Variants in GPAT3 observed in about 807,000 individuals in gnomAD.
GPAT3 encodes the protein 1-AGP acyltransferase 9.
In GPAT3, 53 loss-of-function variants were observed where a neutral mutation model predicts 58.8. The observed-to-expected ratio is 0.90, with a 90% CI of 0.72 to 1.13. The LOEUF is 1.13. Ranked by LOEUF, GPAT3 falls within the 50% of genes most tolerant of loss-of-function variation. The probability of loss-of-function intolerance (pLI) is 0.00; values close to 1 mark genes in which losing one functional copy is unlikely to be tolerated. For synonymous variants in GPAT3, 197 were observed against 187.4 expected (o/e 1.05, Z -0.42); for missense variants, 511 against 527.6 (o/e 0.97, Z 0.31).
chr4:83,541,056 AG>A (rs1724285528), intron 1 of GPAT3, among the ~76,000 whole-genome samples: 1 of 152,158 alleles, frequency 6.6e-6, no homozygotes, highest in African/African-American at 2.4e-5. Flanking sequence ...CTGATGTCTG[AG>A]ATGATTACAG....
At chr4:83,552,227 C>A (rs1317761840) in intron 2 of GPAT3, among the ~76,000 whole-genome samples, 2 of 152,174 alleles carry the variant, frequency 1.3e-5, no homozygotes, top group African/African-American at 4.8e-5. Context: ...CAGTCCTGTA[C>A]AATGTGAGAT....
intron 2 of GPAT3, among the ~76,000 whole-genome samples, chr4:83,546,186 T>C (rs970411867): frequency 6.6e-6 from 1 of 152,100 alleles, no homozygotes; most frequent in South Asian, 2.1e-4. Context: ...GGTTTCACCA[T>C]GTTGGCCAGG....
At chr4:83,586,206 A>G (rs1296346690) in intron 3 of GPAT3, among the ~76,000 whole-genome samples, 1 of 152,184 alleles carries the variant, frequency 6.6e-6, no homozygotes, top group African/African-American at 2.4e-5. Context: ...GAAACCTGGG[A>G]TTGGTTAAGA....
chr4:83,565,758 A>G (rs1725357955), intron 2 of GPAT3, among the ~76,000 whole-genome samples: 1 of 152,216 alleles, frequency 6.6e-6, no homozygotes, highest in African/African-American at 2.4e-5. Flanking sequence ...AAGAGTTTAA[A>G]AGGCGGGTCC....
At chr4:83,594,728 G>T (rs1726746551) in intron 6 of GPAT3, 117 bp from the exon 7 acceptor site, 1 of 790,604 alleles carries the variant, frequency 1.3e-6, no homozygotes, top group Admixed American at 2.3e-5. Context: ...AAGAACTTCA[G>T]TCAGTAGAAG....
At chr4:83,597,994 GC>G in intron 9 of GPAT3, 56 bp from the exon 10 acceptor site, 1 of 1,598,464 alleles carries the variant, frequency 6.3e-7, no homozygotes. Context: ...AAAACATTGG[GC>G]ACGGATGAGA....
chr4:83,544,929 T>C (rs1724452025), intron 2 of GPAT3, among the ~76,000 whole-genome samples: 1 of 152,136 alleles, frequency 6.6e-6, no homozygotes, highest in African/African-American at 2.4e-5. Context: ...TAATGGGAGT[T>C]CCTGGGAGTT....
At chr4:83,553,660 A>G (rs1724836418) in intron 2 of GPAT3, among the ~76,000 whole-genome samples, 2 of 152,106 alleles carry the variant, frequency 1.3e-5, no homozygotes, top group African/African-American at 2.4e-5. Flanking sequence ...GCACTTTGGG[A>G]GGCTGAGGCA....
intron 2 of GPAT3, among the ~76,000 whole-genome samples, chr4:83,576,792 G>A (rs1391270044): frequency 6.6e-6 from 1 of 152,066 alleles, no homozygotes; most frequent in Non-Finnish European, 1.5e-5. Flanking sequence ...ACTCATTAAG[G>A]CCAGAGTCAT....
intron 3 of GPAT3, among the ~76,000 whole-genome samples, chr4:83,583,955 G>A (rs114206003): frequency 6.2e-4 from 94 of 152,172 alleles, no homozygotes; most frequent in African/African-American, 2.2e-3. Context: ...ACAGAGTGAG[G>A]TGAGGCTCCA....
intron 6 of GPAT3, among the ~76,000 whole-genome samples, chr4:83,592,037 C>T (rs1018268193): frequency 1.3e-5 from 2 of 152,120 alleles, no homozygotes; most frequent in African/African-American, 4.8e-5. Context: ...GGAGAGCACC[C>T]TCATGGCCTC....
chr4:83,601,656 G>A (rs1016597045), intron 11 of GPAT3, among the ~76,000 whole-genome samples: 1 of 152,266 alleles, frequency 6.6e-6, no homozygotes, highest in African/African-American at 2.4e-5. Flanking sequence ...TCGGGAGGCT[G>A]AGGCCTGAGA....
intron 2 of GPAT3, among the ~76,000 whole-genome samples, chr4:83,574,978 G>T (rs912314504): frequency 6.8e-6 from 1 of 147,152 alleles, no homozygotes; most frequent in African/African-American, 2.5e-5. Context: ...TGGGGTTCAC[G>T]CCATTCTCCT....
At chr4:83,556,585 C>G (rs988235030) in intron 2 of GPAT3, among the ~76,000 whole-genome samples, 1 of 150,994 alleles carries the variant, frequency 6.6e-6, no homozygotes, top group Non-Finnish European at 1.5e-5. Context: ...TGCTAACTGA[C>G]AATTGATTAG....
In GPAT3 at chr4:83,553,433, T is replaced by TA. The variant is rs894870261; in HGVS notation, c.208+8839dup. Among the ~76,000 whole-genome samples, 7 of 152,008 alleles carry TA rather than the reference T, an allele frequency of 4.6e-5. No homozygotes were observed. In the East Asian group the frequency reaches 5.8e-4, roughly 13 times the overall value. ...TACCTCTATTTTCAGTGAAACTAGT[T>TA]AAAAAAAATGTAACTAAGCAGTTTT... On this transcript the variant is annotated intron_variant, in intron 2 of 11. Transcript: ENST00000264409.
intron 3 of GPAT3, among the ~76,000 whole-genome samples, chr4:83,583,667 G>GAAGAAAA (rs760151577): frequency 8.5e-5 from 2 of 23,476 alleles, no homozygotes; most frequent in Non-Finnish European, 7.2e-5. Context: ...ACTCTTGTCT[G>GAAGAAAA]AAAAAAAAAA....
At chr4:83,603,246 C>A (rs1416244816) in intron 11 of GPAT3, among the ~76,000 whole-genome samples, 1 of 152,186 alleles carries the variant, frequency 6.6e-6, no homozygotes, top group Admixed American at 6.5e-5. Context: ...TATGATAGTC[C>A]AAACTACTCC....
intron 2 of GPAT3, among the ~76,000 whole-genome samples, chr4:83,546,157 G>A (rs183673383): frequency 2.8e-4 from 42 of 152,118 alleles, no homozygotes; most frequent in African/African-American, 9.2e-4. Context: ...GCTAATTTTT[G>A]TATTTTTAGT....
At chr4:83,578,894 C>T (rs1161168224) in intron 2 of GPAT3, among the ~76,000 whole-genome samples, 1 of 141,680 alleles carries the variant, frequency 7.1e-6, no homozygotes, top group Admixed American at 7.0e-5. Context: ...TCCCTCCCTC[C>T]CTCTTTCTTT....
Sources: gnomAD v4.1 joint callset for allele counts (sites outside exome capture counted in the v4.1 genomes callset) on GRCh38, gnomAD v4.1.1 for gene constraint, MANE v1.5 for transcripts, NCBI Gene and HGNC (gene_info 2026-07-23, HGNC 2026-07-21) for gene names.